PCOLCE: variants seen among roughly 807,000 people sequenced by gnomAD.
PCOLCE encodes the protein procollagen C-endopeptidase enhancer.
PCOLCE carries 33 observed loss-of-function variants against 47.2 expected under a neutral mutation model. That is an observed-to-expected ratio of 0.70 (90% CI 0.53 to 0.93). The LOEUF (loss-of-function observed/expected upper bound fraction) is 0.93. Among genes scored for constraint, PCOLCE ranks in the 40% least tolerant of loss-of-function variants. PCOLCE has a pLI of 0.00. For synonymous variants in PCOLCE, 254 were observed against 252.5 expected, an observed-to-expected ratio of 1.01 and a Z score of -0.06; for missense variants, 584 against 585.3, an observed-to-expected ratio of 1.00 and a Z score of 0.02.
chr7:100,604,782 G>T lies in PCOLCE; in HGVS notation c.464-309G>T. 1 of 411,702 alleles carries T rather than the reference G, an allele frequency of 2.4e-6. No individual in the cohort carries two copies. The highest frequency in any genetic ancestry group is 4.4e-6 in the Non-Finnish European group (1 of 224,854). 25.5% of individuals were successfully genotyped at this position (411,702 alleles called of 1,614,324 possible). On this transcript the variant is annotated intron_variant, in intron 3 of 8. Transcript: ENST00000223061. The surrounding 1 kb of genome is among the most constrained non-coding windows in gnomAD (Gnocchi z 6.4). ...ACTCTGCTGCAGGGCCGGGGAGATG[G>T]GATCTCCTAGGGGAAGAGGCGCGGT... is the stretch of plus-strand genomic sequence containing the variant.
rs1802682976 is a variant in PCOLCE, at chr7:100,604,861, C to A, written c.464-230C>A. 4 of 519,182 alleles carry A rather than the reference C, an allele frequency of 7.7e-6. No homozygotes were observed. In the South Asian group the frequency reaches 1.0e-4, roughly 14 times the overall value. The allele number at this position is 519,182 out of a possible 1,614,324, so 32.2% of individuals were successfully genotyped here. The stretch of plus-strand genomic sequence containing the variant: ...GGGGGCGTCCAGCCAGTTCCTCCTC[C>A]CGCTTCCACCGCCCGCCAGTGCGCC... On this transcript the variant is annotated intron_variant, in intron 3 of 8. Coordinates refer to ENST00000223061, the MANE Select transcript of PCOLCE (RefSeq NM_002593.4). This position sits in a 1 kb window ranked among gnomAD's most constrained non-coding sequence, Gnocchi z 6.4.
rs765595006 is a variant in PCOLCE at position 100,602,448 on chromosome 7, C to T, written c.-9C>T. 1.9e-6 allele frequency: 3 copies of T among 1,597,644 alleles called. No homozygotes were observed. The highest frequency in any genetic ancestry group is 2.6e-6 in the Non-Finnish European group (3 of 1,167,150). On this transcript the variant is annotated 5_prime_UTR_variant, in exon 1 of 9. Transcript: ENST00000223061. ...GTCTTGAGGACCCCAGCGCCTTTCC[C>T]CCGGGGCCATGCTGCCTGCAGCCAC...
chr7:100,604,071 A>C lies in PCOLCE; in HGVS notation c.317A>C (p.Gln106Pro). ...TTCGCTGGGTCTGGGACTTCCGGCC[A>C]GCGGCTCGGACGCTTTTGTGGGACC... ...EVFAGSGTSG[Q>P]RLGRFCGTFR... The change falls in exon 3 of 9, where the codon CAG (glutamine) becomes CCG (proline). Residue 106 changes from glutamine to proline, a missense_variant. By Grantham distance (76) the Gln-to-Pro change is moderately conservative (BLOSUM62 -1). Transcript: ENST00000223061. The surrounding 1 kb of genome is among the most constrained non-coding windows in gnomAD (Gnocchi z 6.4). 6.2e-7 allele frequency: 1 copy of C among 1,609,094 alleles called. No homozygotes were observed. Among genetic ancestry groups the C allele is most frequent in the Non-Finnish European group, 8.5e-7 (1 of 1,179,978 alleles).
chr7:100,603,973 G>T lies in PCOLCE; in HGVS notation c.219G>T (p.Gln73His). The part of the protein sequence containing the change: ...CIWTITVPEG[Q>H]TVSLSFRVFD... Reference sequence around the variant, plus strand: ...CCCGCTATCAGGTCCCCGAGGGCCAGACTGTGTCCCTCTCATTCCGAGTCT... The same window carrying T: ...CCCGCTATCAGGTCCCCGAGGGCCATACTGTGTCCCTCTCATTCCGAGTCT... Residue 73 changes from glutamine (Q) to histidine (H), a missense_variant, in exon 3 of 9, where the codon CAG becomes CAT. Coordinates refer to ENST00000223061, the MANE Select transcript of PCOLCE (RefSeq NM_002593.4). 1 of 1,601,948 alleles carries T rather than the reference G, an allele frequency of 6.2e-7. No individual in the cohort carries two copies. Among genetic ancestry groups the T allele is most frequent in the South Asian group, 1.1e-5 (1 of 91,068 alleles).
At position 100,604,367 on chromosome 7, in the gene PCOLCE, C is replaced by T. The variant is rs1802673365; in HGVS notation, c.463+150C>T. 1.5e-6 allele frequency: 1 copy of T among 648,196 alleles called. No homozygotes were observed. The highest frequency in any genetic ancestry group is 2.7e-5 in the Admixed American group (1 of 37,294). 40.2% of individuals were successfully genotyped at this position (648,196 alleles called of 1,614,324 possible). A position where few individuals can be genotyped will look rare whatever the true frequency, so the allele number is the denominator to read the frequency against. On this transcript the variant is annotated intron_variant, in intron 3 of 8. Transcript: ENST00000223061. This position sits in a 1 kb window ranked among gnomAD's most constrained non-coding sequence, Gnocchi z 6.4. ...GACCCATTTTCCTCACTAACCGCCCCTTCAGTCCCTCCTCCCCGTCTTCTC... is the reference window on the plus strand; with the variant it reads ...GACCCATTTTCCTCACTAACCGCCCTTTCAGTCCCTCCTCCCCGTCTTCTC...
chr7:100,608,008 G>T lies in PCOLCE; in HGVS notation c.1255G>T (p.Val419Phe). The T allele has an allele frequency of 6.2e-7, 1 of 1,614,108 alleles. No homozygotes were observed. The highest frequency in any genetic ancestry group is 1.1e-5 in the South Asian group (1 of 91,076). Residue 419 changes from valine (V) to phenylalanine (F), a missense_variant, in exon 9 of 9, where the codon GTT (valine) becomes TTT (phenylalanine). By Grantham distance (50) the Val-to-Phe change is conservative (BLOSUM62 -1). Transcript: ENST00000223061. The part of the protein sequence containing the change: ...GPVLPPESFV[V>F]LHRPNQDQIL... ...CGTCCTTCCTCCAGAGAGCTTTGTGGTTCTCCACCGGCCCAACCAGGACCA... is the reference window on the plus strand; with the variant it reads ...CGTCCTTCCTCCAGAGAGCTTTGTGTTTCTCCACCGGCCCAACCAGGACCA...
chr7:100,602,597 C>T (rs779360293), intron 1 of PCOLCE, 46 bp downstream of exon 1: 3 of 1,232,792 alleles, frequency 2.4e-6, no homozygotes, highest in Non-Finnish European at 2.4e-6. Flanking sequence ...AACTTCAGAC[C>T]CCCGATTCCT....
chr7:100,607,006 G>A (rs574327709), intron 6 of PCOLCE, among the ~76,000 whole-genome samples: 19 of 151,686 alleles, frequency 1.3e-4, no homozygotes, highest in Admixed American at 7.9e-4. Context: ...CAGGAGAGTC[G>A]CTTGAACCTG....
Position 100,602,471 on chromosome 7 carries a change from C to T in PCOLCE, c.15C>T (p.Ala5=). Residue 5 remains alanine (A), a synonymous_variant, in exon 1 of 9, where the codon GCC becomes GCT. Transcript: ENST00000223061. ...CCCCCGGGGCCATGCTGCCTGCAGC[C>T]ACAGCCTCCCTCCTGGGGCCCCTCC... MLPA[A]TASLLGPLLT... is the part of the protein sequence containing the mutation. 1.2e-6 allele frequency: 2 copies of T among 1,612,166 alleles called. No homozygotes were observed. The highest frequency in any genetic ancestry group is 1.7e-6 in the Non-Finnish European group (2 of 1,179,396).
Position 100,604,399 on chromosome 7 carries a change from C to T in PCOLCE, c.463+182C>T, listed in dbSNP as rs1584440748. 3 of 624,382 alleles carry T rather than the reference C, an allele frequency of 4.8e-6. No individual in the cohort carries two copies. The highest frequency in any genetic ancestry group is 1.9e-5 in the South Asian group (1 of 52,386). 38.7% of individuals were successfully genotyped at this position (624,382 alleles called of 1,614,324 possible). On this transcript the variant is annotated intron_variant, in intron 3 of 8. Transcript: ENST00000223061. This position sits in a 1 kb window ranked among gnomAD's most constrained non-coding sequence, Gnocchi z 6.4. ...CCCTCCTCCCCGTCTTCTCTCCCCT[C>T]CTCCCGCACCCACCCATCCCTCTTC...
In PCOLCE at chr7:100,605,748, T is replaced by C; in HGVS notation, c.661T>C (p.Phe221Leu). ...CTGCCGCTATGACTCGGTCAGCGTGTTCAACGGAGCCGTGAGCGACGACTC... is the reference window on the plus strand; with the variant it reads ...CTGCCGCTATGACTCGGTCAGCGTGCTCAACGGAGCCGTGAGCGACGACTC... ...TYCRYDSVSVFNGAVSDDSRR... is the reference protein window; with the variant it reads ...TYCRYDSVSVLNGAVSDDSRR... Residue 221 changes from phenylalanine (F) to leucine (L), a missense_variant, in exon 5 of 9, where the codon TTC (phenylalanine) becomes CTC (leucine). Physicochemically the swap from Phe to Leu is conservative, Grantham distance 22. Transcript: ENST00000223061. The surrounding 1 kb of genome is among the most constrained non-coding windows in gnomAD (Gnocchi z 6.1). The C allele has an allele frequency of 6.4e-7, 1 of 1,565,898 alleles. No homozygotes were observed. Among genetic ancestry groups the C allele is most frequent in the Non-Finnish European group, 8.7e-7 (1 of 1,155,344 alleles).
At position 100,605,878 on chromosome 7, in the gene PCOLCE, A is replaced by G. The variant is rs1466509568; in HGVS notation, c.725+66A>G. ...GGACCGCACGCACGCGGCTGTTTGGAGGGGCGGGGTTCAGCTAAAGGGACG... is the reference window on the plus strand; with the variant it reads ...GGACCGCACGCACGCGGCTGTTTGGGGGGGCGGGGTTCAGCTAAAGGGACG... On this transcript the variant is annotated intron_variant, in intron 5 of 8. Coordinates refer to ENST00000223061, the MANE Select transcript of PCOLCE (RefSeq NM_002593.4). The surrounding 1 kb of genome is among the most constrained non-coding windows in gnomAD (Gnocchi z 6.1). 6.6e-7 allele frequency: 1 copy of G among 1,505,052 alleles called. No homozygotes were observed. The highest frequency in any genetic ancestry group is 9.0e-7 in the Non-Finnish European group (1 of 1,112,776). The allele number at this position is 1,505,052 out of a possible 1,614,324, so 93.2% of individuals were successfully genotyped here.
At position 100,605,014 on chromosome 7, in the gene PCOLCE, T is replaced by C; in HGVS notation, c.464-77T>C. On this transcript the variant is annotated intron_variant, in intron 3 of 8. Coordinates refer to ENST00000223061, the MANE Select transcript of PCOLCE (RefSeq NM_002593.4). The surrounding 1 kb of genome is among the most constrained non-coding windows in gnomAD (Gnocchi z 6.1). The stretch of plus-strand genomic sequence containing the variant: ...AGACATCCGAGCTGCCTGCCGGGGC[T>C]CCCAGCCTAGAGTTCTCCTGAAGCT... 13 of 1,058,248 alleles carry C rather than the reference T, an allele frequency of 1.2e-5. No individual in the cohort carries two copies. Among genetic ancestry groups the C allele is most frequent in the South Asian group, 1.4e-5 (1 of 69,300 alleles). The allele number at this position is 1,058,248 out of a possible 1,614,324, so 65.6% of individuals were successfully genotyped here. A position where few individuals can be genotyped will look rare whatever the true frequency, so the allele number is the denominator to read the frequency against.
intron 6 of PCOLCE, 85 bp downstream of exon 6, chr7:100,606,715 G>A: frequency 9.9e-7 from 1 of 1,014,676 alleles, no homozygotes; most frequent in Non-Finnish European, 1.4e-6. Context: ...GCTCACACCT[G>A]TAATCCCAGC....
chr7:100,604,178 T>G lies in PCOLCE; in HGVS notation c.424T>G (p.Phe142Val), dbSNP rs1335909217. 6.2e-7 allele frequency: 1 copy of G among 1,613,114 alleles called. No individual in the cohort carries two copies. Among genetic ancestry groups the G allele is most frequent in the Non-Finnish European group, 8.5e-7 (1 of 1,179,918 alleles). Residue 142 changes from phenylalanine (F) to valine (V), a missense_variant, in exon 3 of 9, where the codon TTC (phenylalanine) becomes GTC (valine). Phe to Val is a conservative substitution (Grantham distance 50, BLOSUM62 -1). Coordinates refer to ENST00000223061, the MANE Select transcript of PCOLCE (RefSeq NM_002593.4). The surrounding 1 kb of genome is among the most constrained non-coding windows in gnomAD (Gnocchi z 6.4). ...TTDEGTGGRG[F>V]LLWYSGRATS... ...GGATGAGGGCACAGGAGGACGAGGC[T>G]TCCTGCTCTGGTACAGCGGGCGGGC... is the stretch of plus-strand genomic sequence containing the variant.
At position 100,605,583 on chromosome 7, in the gene PCOLCE, G is replaced by A; in HGVS notation, c.589-93G>A. ...GGGGGCCCAGAGGACGCGGGAGGTG[G>A]GAGTGGGAGCTGCTGCAGGCACCCA... is the stretch of plus-strand genomic sequence containing the variant. On this transcript the variant is annotated intron_variant, in intron 4 of 8. Coordinates refer to ENST00000223061, the MANE Select transcript of PCOLCE (RefSeq NM_002593.4). The surrounding 1 kb of genome is among the most constrained non-coding windows in gnomAD (Gnocchi z 6.1). 1 of 1,442,908 alleles carries A rather than the reference G, an allele frequency of 6.9e-7. No homozygotes were observed. Among genetic ancestry groups the A allele is most frequent in the Non-Finnish European group, 9.4e-7 (1 of 1,068,264 alleles). The allele number at this position is 1,442,908 out of a possible 1,614,324, so 89.4% of individuals were successfully genotyped here. A position where few individuals can be genotyped will look rare whatever the true frequency, so the allele number is the denominator to read the frequency against.
At chr7:100,606,221 TGCGGGGCTGAGGCAGGA>T (rs2131289611) in intron 5 of PCOLCE, 178 bp from the exon 6 acceptor site, 1 of 570,090 alleles carries the variant, frequency 1.8e-6, no homozygotes, top group East Asian at 2.9e-5. Context: ...CCCAGCAACT[TGCGGGGCTGAGGCAGGA>T]GGATTACTTG....
rs151268413 is a variant in PCOLCE at position 100,602,476 on chromosome 7, C to A, written c.20C>A (p.Ala7Asp). ...GGGGCCATGCTGCCTGCAGCCACAG[C>A]CTCCCTCCTGGGGCCCCTCCTCACT... MLPAAT[A>D]SLLGPLLTAC... The change falls in exon 1 of 9, where the codon GCC (alanine) becomes GAC (aspartate). Residue 7 changes from alanine to aspartate, a missense_variant. Coordinates refer to ENST00000223061, the MANE Select transcript of PCOLCE (RefSeq NM_002593.4). 127 of 1,612,128 alleles carry A rather than the reference C, an allele frequency of 7.9e-5. No individual in the cohort carries two copies. Among genetic ancestry groups the A allele is most frequent in the Admixed American group, 5.0e-5 (3 of 59,998 alleles).
chr7:100,602,845 T>G, intron 1 of PCOLCE: 2 of 450,250 alleles, frequency 4.4e-6, no homozygotes, highest in East Asian at 4.1e-5. Flanking sequence ...GCTCCTGAAC[T>G]TGCCTGGTAG....
Sources: gnomAD v4.1 joint callset for allele counts (sites outside exome capture counted in the v4.1 genomes callset) on GRCh38, gnomAD v4.1.1 for gene constraint, Gnocchi (gnomAD v3.1) non-coding constraint, MANE v1.5 for transcripts, NCBI Gene and HGNC (gene_info 2026-07-23, HGNC 2026-07-21) for gene names.